The following COL6A2 variants were observed in gnomAD, a reference collection of about 807,000 sequenced individuals.
The protein encoded by COL6A2 is collagen alpha-2(VI) chain.
COL6A2 carries 90 observed loss-of-function variants against 124.9 expected under a neutral mutation model. The ratio of observed to expected loss-of-function variants is 0.72; its 90% CI spans 0.61 to 0.86. COL6A2 has a LOEUF of 0.86. Ranked by LOEUF, COL6A2 falls within the 40% of genes least tolerant of loss-of-function variation. The probability of loss-of-function intolerance (pLI) is 0.00; values close to 1 mark genes in which losing one functional copy is unlikely to be tolerated. For synonymous variants in COL6A2, 793 were observed against 618.2 expected (o/e 1.28, Z -4.19); for missense variants, 1,607 against 1,502.5 (o/e 1.07, Z -1.15).
chr21:46,127,873 T>TA (rs1465521190), intron 27 of COL6A2, among the ~76,000 whole-genome samples: 1 of 152,066 alleles, frequency 6.6e-6, no homozygotes, highest in Non-Finnish European at 1.5e-5. Flanking sequence ...AGTTGGGAGT[T>TA]AGTTAGCCCG....
chr21:46,125,657 G>A (rs746722105), intron 25 of COL6A2, 40 bp downstream of exon 25: 145 of 1,596,926 alleles, frequency 9.1e-5, no homozygotes, highest in Admixed American at 6.0e-4. Flanking sequence ...GCGGGGGGCC[G>A]GGCGGGGCGT....
chr21:46,114,856 G>T (rs764160031), intron 5 of COL6A2, among the ~76,000 whole-genome samples: 1 of 152,188 alleles, frequency 6.6e-6, no homozygotes, highest in Non-Finnish European at 1.5e-5. Context: ...AAATTATAAA[G>T]AAAAGCATAG....
Position 46,116,231 on chromosome 21 carries a change from G to T in COL6A2, c.901-146G>T. 6.0e-6 allele frequency: 7 copies of T among 1,164,800 alleles called. No individual in the cohort carries two copies. In the South Asian group the frequency reaches 6.5e-5, roughly 11 times the overall value. The allele number at this position is 1,164,800 out of a possible 1,614,324, so 72.2% of individuals were successfully genotyped here. A position where few individuals can be genotyped will look rare whatever the true frequency, so the allele number is the denominator to read the frequency against. Reference sequence around the variant, plus strand: ...AACCCAGCCTCCAGCCCGACCCAGGGCTCAGCCTCCTCCGCAGACTGTTTG... The same window carrying T: ...AACCCAGCCTCCAGCCCGACCCAGGTCTCAGCCTCCTCCGCAGACTGTTTG... On this transcript the variant is annotated intron_variant, in intron 7 of 27. Coordinates refer to ENST00000300527, the MANE Select transcript of COL6A2 (RefSeq NM_001849.4). The surrounding 1 kb of genome is among the most constrained non-coding windows in gnomAD (Gnocchi z 4.6).
intron 15 of COL6A2, 86 bp downstream of exon 15, chr21:46,119,936 G>T: frequency 8.4e-7 from 1 of 1,195,790 alleles, no homozygotes; most frequent in Non-Finnish European, 1.2e-6. Context: ...ATTCCTCCCA[G>T]AGAACAACAG....
intron 27 of COL6A2, among the ~76,000 whole-genome samples, chr21:46,127,869 G>A (rs150261693): frequency 2.6e-5 from 4 of 152,174 alleles, no homozygotes; most frequent in African/African-American, 9.7e-5. Context: ...TTGTAGTTGG[G>A]AGTTAGTTAG....
intron 1 of COL6A2, among the ~76,000 whole-genome samples, chr21:46,110,238 C>T (rs1258227083): frequency 6.6e-6 from 1 of 152,178 alleles, no homozygotes; most frequent in African/African-American, 2.4e-5. Flanking sequence ...CATGGGCCCT[C>T]CCTGAGCAGC....
chr21:46,113,915 T>G, intron 4 of COL6A2, 93 bp from the exon 5 acceptor site: 28 of 1,062,104 alleles, frequency 2.6e-5, no homozygotes, highest in Non-Finnish European at 4.0e-5. Flanking sequence ...TGGCCCCTGC[T>G]GAGAGTCGTG....
chr21:46,124,169 G>A (rs1180548082), intron 21 of COL6A2, among the ~76,000 whole-genome samples: 2 of 150,998 alleles, frequency 1.3e-5, no homozygotes, highest in Admixed American at 1.3e-4. Context: ...ATGGGTGGGT[G>A]GACAGAGGAT....
chr21:46,129,350 C>A, intron 27 of COL6A2: 1 of 1,612,926 alleles, frequency 6.2e-7, no homozygotes, highest in Non-Finnish European at 8.5e-7. Context: ...AGCTGGTGGC[C>A]GTGCTGGTCT....
intron 4 of COL6A2, among the ~76,000 whole-genome samples, chr21:46,113,387 T>C (rs1388494751): frequency 6.6e-6 from 1 of 151,930 alleles, no homozygotes; most frequent in East Asian, 1.9e-4. Flanking sequence ...TTTATATTTG[T>C]TTTTTTAGAG....
intron 21 of COL6A2, 93 bp downstream of exon 21, chr21:46,123,030 G>A (rs1052250781): frequency 2.7e-5 from 34 of 1,262,392 alleles, no homozygotes; most frequent in Middle Eastern, 2.3e-4. Flanking sequence ...ACAGGAGAAC[G>A]CCAGGCAGCT....
chr21:46,129,410 G>A (rs1418128289), intron 27 of COL6A2: 3 of 1,612,666 alleles, frequency 1.9e-6, no homozygotes. Flanking sequence ...GGCAGGACTG[G>A]ATGGAGCTGT....
At chr21:46,131,910 GC>G in intron 27 of COL6A2, 43 bp from the exon 28 acceptor site, 1 of 1,532,804 alleles carries the variant, frequency 6.5e-7, no homozygotes, top group African/African-American at 1.4e-5. Context: ...GCCCGGTCCT[GC>G]CCACCTCCCC....
In COL6A2 at chr21:46,121,573, C is replaced by T. The variant is rs772436808; in HGVS notation, c.1476C>T (p.Pro492=). 19 of 1,612,842 alleles carry T rather than the reference C, an allele frequency of 1.2e-5. No individual in the cohort carries two copies. Among genetic ancestry groups the T allele is most frequent in the East Asian group, 2.2e-5 (1 of 44,878 alleles). ...EPGKQGSRGD[P]GDAGPRGDSG... ...GCCCTCAGGGATCTCGGGGAGACCC[C>T]GGTGATGCAGGACCCCGTGGAGACT... Residue 492 remains proline, a synonymous_variant, in exon 18 of 28, where the codon CCC becomes CCT. Transcript: ENST00000300527.
chr21:46,126,963 G>A (rs749849764), intron 27 of COL6A2, among the ~76,000 whole-genome samples: 29 of 152,160 alleles, frequency 1.9e-4, no homozygotes, highest in Non-Finnish European at 3.4e-4. Flanking sequence ...CCCAGCACCA[G>A]CAGGTCTTGC....
chr21:46,120,886 CAG>C (rs1158451618), intron 16 of COL6A2, among the ~76,000 whole-genome samples, 173 bp from the exon 17 acceptor site: 4 of 152,266 alleles, frequency 2.6e-5, no homozygotes, highest in African/African-American at 9.6e-5. Flanking sequence ...CTACTCCACT[CAG>C]TGTGCTCAGG....
chr21:46,116,859 C>T lies in COL6A2; in HGVS notation c.999+45C>T. 1 of 1,608,580 alleles carries T rather than the reference C, an allele frequency of 6.2e-7. No homozygotes were observed. The highest frequency in any genetic ancestry group is 1.1e-5 in the South Asian group (1 of 90,932). ...CACAGCTGGACTGGTCTCACAGAGGCATCCCAGCCTCTGCAGGGCCCCCAG... is the reference window on the plus strand; with the variant it reads ...CACAGCTGGACTGGTCTCACAGAGGTATCCCAGCCTCTGCAGGGCCCCCAG... On this transcript the variant is annotated intron_variant, in intron 10 of 27. Coordinates refer to ENST00000300527, the MANE Select transcript of COL6A2 (RefSeq NM_001849.4). The surrounding 1 kb of genome is among the most constrained non-coding windows in gnomAD (Gnocchi z 4.6).
chr21:46,120,347 G>A lies in COL6A2; in HGVS notation c.1333-168G>A, dbSNP rs566387848. Among the ~76,000 whole-genome samples the A allele has an allele frequency of 1.1e-3, 160 of 152,260 alleles. 2 individuals are homozygous for A. In the South Asian group the frequency reaches 0.031, roughly 30 times the overall value. ...GCTCAGAGCGGCAGCTACAGGCACC[G>A]GGAAGGAGCTATGGGTGAAACAGGC... On this transcript the variant is annotated intron_variant, in intron 15 of 27. Transcript: ENST00000300527.
rs1003385538 is a variant in COL6A2 at position 46,119,724 on chromosome 21, A to C, written c.1270-64A>C. The C allele has an allele frequency of 6.2e-6, 9 of 1,455,692 alleles. No homozygotes were observed. The East Asian group carries it at 7.4e-5, about 12-fold the overall frequency. 90.2% of individuals were successfully genotyped at this position (1,455,692 alleles called of 1,614,324 possible). ...GAGCATCGGCCCCGGCACAGCCCCC[A>C]CCCTCCACAGGCTCTGGGCTTGGAC... On this transcript the variant is annotated intron_variant, in intron 14 of 27. Coordinates refer to ENST00000300527, the MANE Select transcript of COL6A2 (RefSeq NM_001849.4).
Sources: allele counts gnomAD v4.1 joint callset (sites outside exome capture counted in the v4.1 genomes callset), GRCh38; gene constraint gnomAD v4.1.1; non-coding constraint Gnocchi (gnomAD v3.1); transcripts MANE v1.5; gene names NCBI Gene and HGNC (gene_info 2026-07-23, HGNC 2026-07-21).